C1orf21: variants seen among roughly 807,000 people sequenced by gnomAD.
The protein encoded by C1orf21 is uncharacterized protein C1orf21.
In C1orf21, 3 loss-of-function variants were observed where a neutral mutation model predicts 18.7. That is an observed-to-expected ratio of 0.16 (90% CI 0.07 to 0.42). C1orf21 has a LOEUF of 0.42. C1orf21 is among the 10% of genes least tolerant of loss of function. The pLI, the probability that C1orf21 is intolerant of heterozygous loss-of-function variation, is 0.99. For missense variants in C1orf21, 104 were observed against 143.6 expected, an observed-to-expected ratio of 0.72 and a Z score of 1.41; for synonymous variants, 41 against 46.4, an observed-to-expected ratio of 0.88 and a Z score of 0.47.
chr1:184,537,618 G>C (rs974337651), intron 3 of C1orf21, among the ~76,000 whole-genome samples: 3 of 152,096 alleles, frequency 2.0e-5, no homozygotes, highest in Admixed American at 6.6e-5. Flanking sequence ...GGGTGTACAA[G>C]TATCTCTTCA....
At chr1:184,474,836 C>A (rs1657546034) in intron 1 of C1orf21, among the ~76,000 whole-genome samples, 1 of 152,154 alleles carries the variant, frequency 6.6e-6, no homozygotes, top group Non-Finnish European at 1.5e-5. Flanking sequence ...TCCCATACTT[C>A]CTTTTTGAAC....
At chr1:184,411,557 G>A (rs1186929356) in intron 1 of C1orf21, among the ~76,000 whole-genome samples, 2 of 151,770 alleles carry the variant, frequency 1.3e-5, no homozygotes, top group Admixed American at 6.6e-5. Context: ...GAGTAGCTGG[G>A]ACTACAGGCG....
intron 2 of C1orf21, among the ~76,000 whole-genome samples, chr1:184,501,394 A>G (rs1216504574): frequency 6.6e-6 from 1 of 152,024 alleles, no homozygotes; most frequent in Non-Finnish European, 1.5e-5. Flanking sequence ...TCCTTCCCAC[A>G]CATAGGAGCT....
chr1:184,442,332 A>C (rs747532501), intron 1 of C1orf21, among the ~76,000 whole-genome samples: 1 of 152,312 alleles, frequency 6.6e-6, no homozygotes, highest in South Asian at 2.1e-4. Context: ...TTCTACTAGT[A>C]AAATGGCCTT....
chr1:184,560,089 A>C (rs1014411112), intron 3 of C1orf21, among the ~76,000 whole-genome samples: 1 of 152,162 alleles, frequency 6.6e-6, no homozygotes, highest in Non-Finnish European at 1.5e-5. Flanking sequence ...AGAATGGCCT[A>C]ATACATGTAG....
chr1:184,553,385 C>G (rs1658839163), intron 3 of C1orf21, among the ~76,000 whole-genome samples: 1 of 152,026 alleles, frequency 6.6e-6, no homozygotes, highest in Admixed American at 6.5e-5. Flanking sequence ...TTCTATTTTT[C>G]TTTTTAACCT....
In C1orf21 at chr1:184,522,064, G is replaced by A. The variant is rs115464205; in HGVS notation, c.189+14382G>A. Among the ~76,000 whole-genome samples the A allele has an allele frequency of 2.2e-3, 340 of 152,246 alleles. 3 individuals carry two copies. The highest frequency in any genetic ancestry group is 7.8e-3 in the African/African-American group (323 of 41,564). On this transcript the variant is annotated intron_variant, in intron 3 of 5. Coordinates refer to ENST00000235307, the MANE Select transcript of C1orf21 (RefSeq NM_030806.4). ...TGGTGAAGCCAGGTTTCTCACTGTT[G>A]GAGTGGGAGGTTACAGATATTTAAC...
At chr1:184,605,935 G>A (rs995228788) in intron 5 of C1orf21, among the ~76,000 whole-genome samples, 4 of 152,188 alleles carry the variant, frequency 2.6e-5, no homozygotes, top group African/African-American at 7.2e-5. Context: ...GTGCTAAACC[G>A]AACCTGAAAA....
intron 1 of C1orf21, among the ~76,000 whole-genome samples, chr1:184,410,960 A>G (rs1457410751): frequency 1.3e-5 from 2 of 151,242 alleles, no homozygotes; most frequent in Non-Finnish European, 2.9e-5. Flanking sequence ...CCTCGAAAAT[A>G]TTTTCTCCCC....
chr1:184,445,343 C>CCCCTCTCTCTCT (rs1657011884), intron 1 of C1orf21, among the ~76,000 whole-genome samples: 2 of 134,844 alleles, frequency 1.5e-5, no homozygotes, highest in East Asian at 2.1e-4. Flanking sequence ...TTTTTTCAGA[C>CCCCTCTCTCTCT]CTCTCTCTCT....
chr1:184,477,128 T>C (rs1657583121), intron 1 of C1orf21, among the ~76,000 whole-genome samples: 1 of 152,158 alleles, frequency 6.6e-6, no homozygotes, highest in African/African-American at 2.4e-5. Flanking sequence ...ATACGTATTT[T>C]TGGTATCTCC....
At chr1:184,567,174 C>T (rs1387822537) in intron 3 of C1orf21, 1 of 475,684 alleles carries the variant, frequency 2.1e-6, no homozygotes, top group Non-Finnish European at 4.3e-6. Flanking sequence ...TGTGAGCTCA[C>T]AGTCCACACC....
intron 1 of C1orf21, among the ~76,000 whole-genome samples, chr1:184,465,589 G>A (rs1290998724): frequency 6.6e-6 from 1 of 152,160 alleles, no homozygotes; most frequent in Non-Finnish European, 1.5e-5. Flanking sequence ...TGGCAGTGAT[G>A]TAATAGAGGT....
chr1:184,480,517 CTA>C (rs1165965501), intron 2 of C1orf21, among the ~76,000 whole-genome samples: 1 of 152,154 alleles, frequency 6.6e-6, no homozygotes, highest in African/African-American at 2.4e-5. Flanking sequence ...CAGGAAGACT[CTA>C]TTGTTCTAAA....
intron 1 of C1orf21, among the ~76,000 whole-genome samples, chr1:184,406,400 A>G (rs1013608797): frequency 4.6e-5 from 7 of 151,958 alleles, no homozygotes; most frequent in Admixed American, 3.9e-4. Context: ...TAAGAGAAGG[A>G]AAAAAAACAT....
intron 1 of C1orf21, among the ~76,000 whole-genome samples, chr1:184,410,041 A>T (rs1369709822): frequency 6.6e-6 from 1 of 152,206 alleles, no homozygotes; most frequent in Admixed American, 6.5e-5. Context: ...AATTGAAATA[A>T]AGTGTCTGAT....
intron 2 of C1orf21, among the ~76,000 whole-genome samples, chr1:184,480,051 A>G (rs1479014411): frequency 6.6e-6 from 1 of 152,224 alleles, no homozygotes. Flanking sequence ...GTAAGAAGAT[A>G]AGGAAGTGTT....
Position 184,612,016 on chromosome 1 carries a change from T to A in C1orf21, c.328-7502T>A, listed in dbSNP as rs529786557. The stretch of plus-strand genomic sequence containing the variant: ...CCCAAAAGCTACTGAAATAAAAAAA[T>A]TTATAATTTTTTAAAAGCCTTACTG... On this transcript the variant is annotated intron_variant, in intron 5 of 5. Coordinates refer to ENST00000235307, the MANE Select transcript of C1orf21 (RefSeq NM_030806.4). Among the ~76,000 whole-genome samples, 43 of 150,730 alleles carry A rather than the reference T, an allele frequency of 2.9e-4. 1 individual carries two copies. Among genetic ancestry groups the A allele is most frequent in the Admixed American group, 1.6e-3 (24 of 15,206 alleles).
intron 2 of C1orf21, among the ~76,000 whole-genome samples, chr1:184,482,734 G>C (rs990103627): frequency 6.6e-6 from 1 of 152,184 alleles, no homozygotes; most frequent in Non-Finnish European, 1.5e-5. Context: ...CTGAGTGTGT[G>C]TACACACACA....
Sources: gnomAD v4.1 joint callset for allele counts (sites outside exome capture counted in the v4.1 genomes callset) on GRCh38, gnomAD v4.1.1 for gene constraint, MANE v1.5 for transcripts, NCBI Gene and HGNC (gene_info 2026-07-23, HGNC 2026-07-21) for gene names.